NCAM2: variants seen among roughly 807,000 people sequenced by gnomAD.
NCAM2 encodes the protein neural cell adhesion molecule 2.
Under a neutral mutation model 98.1 loss-of-function variants are expected in NCAM2, and 30 were observed. The ratio of observed to expected loss-of-function variants is 0.31; its 90% CI spans 0.23 to 0.41. The LOEUF (loss-of-function observed/expected upper bound fraction) is 0.41. NCAM2 is among the 10% of genes least tolerant of loss of function. The pLI is 1.00. For missense variants in NCAM2, 867 were observed against 1,005.8 expected (o/e 0.86, Z 1.87); for synonymous variants, 368 against 342.4 (o/e 1.07, Z -0.83).
intron 5 of NCAM2, among the ~76,000 whole-genome samples, chr21:21,300,048 G>T (rs915785639): frequency 2.0e-5 from 3 of 151,734 alleles, no homozygotes; most frequent in African/African-American, 7.3e-5. Context: ...TTGCTGTATT[G>T]GTATTTTAAA....
Position 21,534,575 on chromosome 21 carries a change from C to G in NCAM2, c.2321C>G (p.Thr774Arg), listed in dbSNP as rs757705447. Reference protein sequence around the residue: ...GSKEPIVEMRTEDERVTNHED... With the variant: ...GSKEPIVEMRREDERVTNHED... ...AAAGAACCAATAGTGGAGATGAGAACAGAGGATGAAAGAGTTACTAATCAC... is the reference window on the plus strand; with the variant it reads ...AAAGAACCAATAGTGGAGATGAGAAGAGAGGATGAAAGAGTTACTAATCAC... Residue 774 changes from threonine (T) to arginine (R), a missense_variant, in exon 17 of 18, where the codon ACA (threonine) becomes AGA (arginine). Coordinates refer to ENST00000400546, the MANE Select transcript of NCAM2 (RefSeq NM_004540.5). 4.4e-6 allele frequency: 7 copies of G among 1,604,766 alleles called. No individual in the cohort carries two copies. The highest frequency in any genetic ancestry group is 5.1e-6 in the Non-Finnish European group (6 of 1,173,082).
chr21:21,450,390 C>T (rs139788104), intron 12 of NCAM2, among the ~76,000 whole-genome samples: 22 of 147,880 alleles, frequency 1.5e-4, no homozygotes, highest in African/African-American at 5.3e-4. Flanking sequence ...ATCACCCAGG[C>T]TGGGGTACAG....
At chr21:21,334,771 A>G (rs1304729873) in intron 6 of NCAM2, among the ~76,000 whole-genome samples, 1 of 152,150 alleles carries the variant, frequency 6.6e-6, no homozygotes, top group Admixed American at 6.6e-5. Flanking sequence ...TGTAGATTAT[A>G]GTAAAAAATG....
intron 1 of NCAM2, among the ~76,000 whole-genome samples, chr21:21,000,858 A>G (rs1198657653): frequency 6.6e-6 from 1 of 152,174 alleles, no homozygotes; most frequent in Non-Finnish European, 1.5e-5. Flanking sequence ...TTAAGGATGC[A>G]GCAGCAAGTA....
At chr21:21,339,159 A>G (rs1470982643) in intron 8 of NCAM2, among the ~76,000 whole-genome samples, 2 of 152,138 alleles carry the variant, frequency 1.3e-5, no homozygotes, top group Non-Finnish European at 2.9e-5. Context: ...ATAAAGCTTT[A>G]TTGAAACTAA....
At chr21:21,267,756 A>G (rs1027949982) in intron 1 of NCAM2, among the ~76,000 whole-genome samples, 6 of 152,188 alleles carry the variant, frequency 3.9e-5, no homozygotes, top group African/African-American at 9.7e-5. Flanking sequence ...ATTATTTACA[A>G]TGTGTCAAAC....
intron 5 of NCAM2, among the ~76,000 whole-genome samples, chr21:21,309,768 G>C (rs534264669): frequency 6.6e-6 from 1 of 152,222 alleles, no homozygotes; most frequent in East Asian, 1.9e-4. Flanking sequence ...CTCCAACTGA[G>C]ATCCTCATTC....
intron 12 of NCAM2, among the ~76,000 whole-genome samples, chr21:21,446,615 C>T (rs1474349337): frequency 3.9e-5 from 6 of 152,086 alleles, no homozygotes; most frequent in Non-Finnish European, 2.9e-5. Flanking sequence ...CAAATTGTCT[C>T]TGTTTGCAGA....
intron 12 of NCAM2, among the ~76,000 whole-genome samples, chr21:21,447,214 A>G (rs1980309315): frequency 6.6e-6 from 1 of 152,162 alleles, no homozygotes; most frequent in African/African-American, 2.4e-5. Context: ...ATATAGACCA[A>G]TGAACAGAAC....
At chr21:21,416,673 T>C (rs1188459125) in intron 10 of NCAM2, among the ~76,000 whole-genome samples, 1 of 152,186 alleles carries the variant, frequency 6.6e-6, no homozygotes, top group Non-Finnish European at 1.5e-5. Flanking sequence ...ATATTTTCAA[T>C]GCTTTGCACA....
At chr21:21,259,464 G>T (rs1462258992) in intron 1 of NCAM2, among the ~76,000 whole-genome samples, 2 of 151,570 alleles carry the variant, frequency 1.3e-5, no homozygotes, top group Non-Finnish European at 2.9e-5. Context: ...CTTCTCTTGA[G>T]ACCTCAGTAC....
At chr21:21,180,713 A>T (rs994872624) in intron 1 of NCAM2, among the ~76,000 whole-genome samples, 3 of 152,186 alleles carry the variant, frequency 2.0e-5, no homozygotes, top group African/African-American at 7.2e-5. Context: ...GTTTCACAAG[A>T]GGTTAATGTA....
At chr21:21,293,712 A>G (rs1022324529) in intron 5 of NCAM2, among the ~76,000 whole-genome samples, 2 of 151,858 alleles carry the variant, frequency 1.3e-5, no homozygotes, top group African/African-American at 4.8e-5. Flanking sequence ...TATTGTATAC[A>G]ATAAACAAGG....
rs776751063 is a variant in NCAM2 at position 21,335,655 on chromosome 21, C to G, written c.888C>G (p.Leu296=). 2.9e-5 allele frequency: 46 copies of G among 1,604,488 alleles called. No homozygotes were observed. The highest frequency in any genetic ancestry group is 3.7e-5 in the Non-Finnish European group (43 of 1,176,154). The change falls in exon 7 of 18, where the codon CTC becomes CTG. Residue 296 remains leucine (L), a synonymous_variant. Coordinates refer to ENST00000400546, the MANE Select transcript of NCAM2 (RefSeq NM_004540.5). ...GAGAAGATGAAAAGCAAGCTTTCCTCCAAGTCTTTGGTAAGTATTATAGCA... is the reference window on the plus strand; with the variant it reads ...GAGAAGATGAAAAGCAAGCTTTCCTGCAAGTCTTTGGTAAGTATTATAGCA... ...KAGEDEKQAF[L]QVFVQPHIIQ...
intron 12 of NCAM2, among the ~76,000 whole-genome samples, chr21:21,454,525 A>G (rs1434900289): frequency 1.3e-5 from 2 of 152,092 alleles, no homozygotes; most frequent in Non-Finnish European, 2.9e-5. Context: ...ACTGTGTTCA[A>G]AATAATGTGT....
chr21:21,167,237 T>G (rs1032904197), intron 1 of NCAM2, among the ~76,000 whole-genome samples: 2 of 152,070 alleles, frequency 1.3e-5, no homozygotes, highest in African/African-American at 2.4e-5. Context: ...ACCCTCCCCT[T>G]GAAATCTATT....
At chr21:21,205,634 A>AT (rs2069409650) in intron 1 of NCAM2, among the ~76,000 whole-genome samples, 1 of 151,986 alleles carries the variant, frequency 6.6e-6, no homozygotes, top group Non-Finnish European at 1.5e-5. Context: ...AGGATCTTTA[A>AT]TTTTTTTTAA....
At chr21:21,114,949 T>C (rs2066524883) in intron 1 of NCAM2, among the ~76,000 whole-genome samples, 1 of 152,102 alleles carries the variant, frequency 6.6e-6, no homozygotes, top group Non-Finnish European at 1.5e-5. Context: ...GTCTCCATAG[T>C]AGCTGGGATT....
At chr21:21,049,254 C>T (rs1281773966) in intron 1 of NCAM2, among the ~76,000 whole-genome samples, 1 of 150,930 alleles carries the variant, frequency 6.6e-6, no homozygotes, top group Non-Finnish European at 1.5e-5. Flanking sequence ...CTCCTGACCT[C>T]ATGATCCACC....
Sources: gnomAD v4.1 joint callset for allele counts (sites outside exome capture counted in the v4.1 genomes callset) on GRCh38, gnomAD v4.1.1 for gene constraint, MANE v1.5 for transcripts, NCBI Gene and HGNC (gene_info 2026-07-23, HGNC 2026-07-21) for gene names.